Variants in HLA-DPB1 observed in about 807,000 individuals in gnomAD.
HLA-DPB1 encodes HLA class II histocompatibility antigen, DP beta 1 chain.
Under a neutral mutation model 29.4 loss-of-function variants are expected in HLA-DPB1, and 30 were observed. The ratio of observed to expected loss-of-function variants is 1.02; its 90% confidence interval spans 0.76 to 1.38. The LOEUF is 1.38. Ranked by LOEUF, HLA-DPB1 falls within the 40% of genes most tolerant of loss-of-function variation. The probability of loss-of-function intolerance (pLI) is 0.00; values close to 1 mark genes in which losing one functional copy is unlikely to be tolerated. For synonymous variants in HLA-DPB1, 114 were observed against 134.0 expected (o/e 0.85, Z 1.03); for missense variants, 261 against 327.5 (o/e 0.80, Z 1.57).
rs1763066824 is a variant in HLA-DPB1, at chr6:33,085,760, C to G, written c.647-19C>G. Reference sequence around the variant, plus strand: ...GCAGCTGGTGGAGGTGACACTAAACCTGGGTCTGTCCTTCCCAGAGGCACA... The same window carrying G: ...GCAGCTGGTGGAGGTGACACTAAACGTGGGTCTGTCCTTCCCAGAGGCACA... On this transcript the variant is annotated intron_variant, in intron 3 of 5. Transcript: ENST00000418931. The G allele has an allele frequency of 6.4e-7, 1 of 1,570,472 alleles. No individual in the cohort carries two copies. Among genetic ancestry groups the G allele is most frequent in the Non-Finnish European group, 8.8e-7 (1 of 1,140,926 alleles).
chr6:33,078,630 A>G (rs1200766385), intron 1 of HLA-DPB1, among the ~76,000 whole-genome samples: 1 of 152,214 alleles, frequency 6.6e-6, no homozygotes, highest in Non-Finnish European at 1.5e-5. Context: ...TATATACAAA[A>G]AAAAATGAAG....
In HLA-DPB1 at chr6:33,086,755, A is replaced by G; in HGVS notation, c.*221A>G. On this transcript the variant is annotated 3_prime_UTR_variant, in exon 6 of 6. Coordinates refer to ENST00000418931, the MANE Select transcript of HLA-DPB1 (RefSeq NM_002121.6). ...TGTTCCCTTCTTCTTAGCACCACAAATAATCAAAACCCAACATGACTGTTT... is the reference window on the plus strand; with the variant it reads ...TGTTCCCTTCTTCTTAGCACCACAAGTAATCAAAACCCAACATGACTGTTT... 1 of 368,172 alleles carries G rather than the reference A, an allele frequency of 2.7e-6. No homozygotes were observed. The highest frequency in any genetic ancestry group is 2.3e-5 in the South Asian group (1 of 44,170). The allele number at this position is 368,172 out of a possible 1,614,324, so 22.8% of individuals were successfully genotyped here.
Position 33,088,807 on chromosome 6 carries a change from A to C in HLA-DPB1, c.*2273A>C, listed in dbSNP as rs1763228543. Among the ~76,000 whole-genome samples, 1 of 152,190 alleles carries C rather than the reference A, an allele frequency of 6.6e-6. No individual in the cohort carries two copies. The highest frequency in any genetic ancestry group is 1.5e-5 in the Non-Finnish European group (1 of 68,034). On this transcript the variant is annotated 3_prime_UTR_variant, in exon 6 of 6. Coordinates refer to ENST00000418931, the MANE Select transcript of HLA-DPB1 (RefSeq NM_002121.6). ...AGGAAAGTTGGAACTGGAGCTTTAA[A>C]GGAGATGTGAAGTGGGTGACTCAAC... is the stretch of plus-strand genomic sequence containing the variant.
At position 33,076,776 on chromosome 6, in the gene HLA-DPB1, A is replaced by C. The variant is rs142340636; in HGVS notation, c.100+635A>C. Among the ~76,000 whole-genome samples, 541 of 152,246 alleles carry C rather than the reference A, an allele frequency of 3.6e-3. 2 individuals are homozygous for C. Among genetic ancestry groups the C allele is most frequent in the East Asian group, 0.026 (133 of 5,176 alleles). ...AGATGAGGTTGTGTGGGTGCATGAC[A>C]GGGATTGAGTGTAGGTTATCAGACA... On this transcript the variant is annotated intron_variant, in intron 1 of 5. Transcript: ENST00000418931.
At chr6:33,076,973 G>A (rs1027732706) in intron 1 of HLA-DPB1, among the ~76,000 whole-genome samples, 7 of 151,854 alleles carry the variant, frequency 4.6e-5, no homozygotes, top group African/African-American at 1.5e-4. Flanking sequence ...ACAACGTGCA[G>A]GTTTGTTACA....
Position 33,080,510 on chromosome 6 carries a change from G to A in HLA-DPB1, c.101-162G>A. ...GAAAACAGGCCTGGAGAGGCTCTGCGACCCGCTTAGGACCACAGAACTCGG... is the reference window on the plus strand; with the variant it reads ...GAAAACAGGCCTGGAGAGGCTCTGCAACCCGCTTAGGACCACAGAACTCGG... On this transcript the variant is annotated intron_variant, in intron 1 of 5. Transcript: ENST00000418931. This position sits in a 1 kb window ranked among gnomAD's most constrained non-coding sequence, Gnocchi z 4.3. The A allele has an allele frequency of 2.0e-6, 2 of 1,022,040 alleles. No individual in the cohort carries two copies. The highest frequency in any genetic ancestry group is 3.0e-6 in the Non-Finnish European group (2 of 665,514). The allele number at this position is 1,022,040 out of a possible 1,614,324, so 63.3% of individuals were successfully genotyped here.
At chr6:33,082,871 G>A (rs1456209870) in intron 2 of HLA-DPB1, among the ~76,000 whole-genome samples, 2 of 152,174 alleles carry the variant, frequency 1.3e-5, no homozygotes, top group African/African-American at 2.4e-5. Flanking sequence ...AGGCCATTGG[G>A]TATCAGGCCT....
chr6:33,084,803 AAAAGAAAGAATGAAAG>A, intron 2 of HLA-DPB1, 131 bp from the exon 3 acceptor site: 2 of 622,518 alleles, frequency 3.2e-6, no homozygotes, highest in East Asian at 3.1e-5. Flanking sequence ...CATCTCAACA[AAAAGAAAGAATGAAAG>A]AAAGAAAGAG....
chr6:33,084,724 C>T (rs1387706287), intron 2 of HLA-DPB1, among the ~76,000 whole-genome samples: 5 of 151,840 alleles, frequency 3.3e-5, no homozygotes, highest in African/African-American at 9.7e-5. Context: ...GGTTGAAGCC[C>T]GGAGGTGGAG....
rs376702323 is a variant in HLA-DPB1 at position 33,077,323 on chromosome 6, G to A, written c.100+1182G>A. On this transcript the variant is annotated intron_variant, in intron 1 of 5. Transcript: ENST00000418931. ...TTTCTTAATCCAGTCTATCACTGAT[G>A]GACAGTTGGGTTGGTTCCAAGTCTT... Among the ~76,000 whole-genome samples, 553 of 152,200 alleles carry A rather than the reference G, an allele frequency of 3.6e-3. 4 individuals carry two copies. Among genetic ancestry groups the A allele is most frequent in the East Asian group, 0.029 (148 of 5,176 alleles).
rs1763252212 is a variant in HLA-DPB1 at position 33,089,370 on chromosome 6, A to G, written c.*2836A>G. On this transcript the variant is annotated 3_prime_UTR_variant, in exon 6 of 6. Coordinates refer to ENST00000418931, the MANE Select transcript of HLA-DPB1 (RefSeq NM_002121.6). ...TAGGATCAGCTGTGCTAAACTAACA[A>G]ATACCCAGATATCCAGGTTTGGCTC... Among the ~76,000 whole-genome samples, 1 of 152,180 alleles carries G rather than the reference A, an allele frequency of 6.6e-6. No individual in the cohort carries two copies.
At position 33,085,156 on chromosome 6, in the gene HLA-DPB1, AC is replaced by A. The variant is rs780393867; in HGVS notation, c.577del (p.Gln193SerfsTer35). 1.2e-6 allele frequency: 2 copies of A among 1,612,868 alleles called. No individual in the cohort carries two copies. Among genetic ancestry groups the A allele is most frequent in the South Asian group, 1.1e-5 (1 of 91,032 alleles). On this transcript the variant is annotated frameshift_variant, in exon 3 of 6. Coordinates refer to ENST00000418931, the MANE Select transcript of HLA-DPB1 (RefSeq NM_002121.6). LOFTEE classifies it high-confidence loss of function. ...CCAGATCCTGGTGATGCTGGAAATG[AC>A]CCCCCAGCAGGGAGATGTCTACACC... The part of the protein sequence containing the change: ...TFQILVMLEM[T>X]PQQGDVYTCQ...
rs940239108 is a variant in HLA-DPB1 at position 33,088,118 on chromosome 6, T to A, written c.*1584T>A. Reference sequence around the variant, plus strand: ...TCACAGGAAACTTGTGAGAAACCTATGCAGCATAAAATTAATATGATTTCA... The same window carrying A: ...TCACAGGAAACTTGTGAGAAACCTAAGCAGCATAAAATTAATATGATTTCA... On this transcript the variant is annotated 3_prime_UTR_variant, in exon 6 of 6. Coordinates refer to ENST00000418931, the MANE Select transcript of HLA-DPB1 (RefSeq NM_002121.6). Among the ~76,000 whole-genome samples, 1 of 152,186 alleles carries A rather than the reference T, an allele frequency of 6.6e-6. No individual in the cohort carries two copies. The highest frequency in any genetic ancestry group is 2.4e-5 in the African/African-American group (1 of 41,438).
chr6:33,079,954 C>T (rs1308574481), intron 1 of HLA-DPB1: 1 of 228,158 alleles, frequency 4.4e-6, no homozygotes, highest in African/African-American at 2.3e-5. Flanking sequence ...ACTCTACCCC[C>T]ACAGGTCCCT....
At position 33,076,200 on chromosome 6, in the gene HLA-DPB1, G is replaced by A. The variant is rs910615918; in HGVS notation, c.100+59G>A. 5 of 1,192,724 alleles carry A rather than the reference G, an allele frequency of 4.2e-6. No homozygotes were observed. In the African/African-American group the frequency reaches 4.5e-5, roughly 11 times the overall value. The allele number at this position is 1,192,724 out of a possible 1,614,324, so 73.9% of individuals were successfully genotyped here. On this transcript the variant is annotated intron_variant, in intron 1 of 5. Transcript: ENST00000418931. ...GCTCAGGGAACAATTCCTAGGGGAC[G>A]TTATCTTTAAGGGATCAAATTCTGA...
rs35717031 is a variant in HLA-DPB1 at position 33,088,908 on chromosome 6, C to T, written c.*2374C>T. 5.7e-3 allele frequency among the ~76,000 whole-genome samples: 862 copies of T among 152,218 alleles called. 2 individuals carry two copies. Among genetic ancestry groups the T allele is most frequent in the Non-Finnish European group, 7.0e-3 (479 of 68,018 alleles). ...AGGACTCCCAGCTGAGTGTTGTATC[C>T]TCCATCCCTTTCCACCTGGTCCCTT... On this transcript the variant is annotated 3_prime_UTR_variant, in exon 6 of 6. Transcript: ENST00000418931.
chr6:33,082,425 C>T (rs1313431955), intron 2 of HLA-DPB1, among the ~76,000 whole-genome samples: 5 of 151,884 alleles, frequency 3.3e-5, no homozygotes, highest in African/African-American at 9.7e-5. Context: ...CTCAGTGCCC[C>T]CAGACTCAGA....
rs1042140 is a variant in HLA-DPB1, at chr6:33,080,863, A to G, written c.292A>G (p.Lys98Glu). 0.23 allele frequency: 371,298 copies of G among 1,607,872 alleles called. 45,336 individuals carry two copies. Among genetic ancestry groups the G allele is most frequent in the East Asian group, 0.39 (17,615 of 44,738 alleles). Residue 98 changes from lysine to glutamate, a missense_variant, in exon 2 of 6, where the codon AAG (lysine) becomes GAG (glutamate). Physicochemically the swap from Lys to Glu is moderately conservative, Grantham distance 56 (BLOSUM62 1). Transcript: ENST00000418931. The surrounding 1 kb of genome is among the most constrained non-coding windows in gnomAD (Gnocchi z 4.3). The part of the protein sequence containing the change: ...WNSQKDILEE[K>E]RAVPDRMCRH... ...CAGCCAGAAGGACATCCTGGAGGAG[A>G]AGCGGGCAGTGCCGGACAGGATGTG...
At chr6:33,084,340 A>G (rs1763000105) in intron 2 of HLA-DPB1, among the ~76,000 whole-genome samples, 1 of 152,192 alleles carries the variant, frequency 6.6e-6, no homozygotes, top group Non-Finnish European at 1.5e-5. Context: ...ATTCCGCTAT[A>G]TACTTACTAA....
Sources: gnomAD v4.1 joint callset for allele counts (sites outside exome capture counted in the v4.1 genomes callset) on GRCh38, gnomAD v4.1.1 for gene constraint, Gnocchi (gnomAD v3.1) non-coding constraint, MANE v1.5 for transcripts, NCBI Gene and HGNC (gene_info 2026-07-23, HGNC 2026-07-21) for gene names.